GASK1A: variants seen among roughly 807,000 people sequenced by gnomAD.
The protein encoded by GASK1A is golgi associated kinase 1A, also known as Golgi-associated kinase 1A.
GASK1A carries 40 observed loss-of-function variants against 41.2 expected under a neutral mutation model. The observed-to-expected ratio is 0.97, with a 90% CI of 0.75 to 1.27. The LOEUF is 1.27. GASK1A is among the 50% of genes most tolerant of loss of function. The pLI is 0.00. For synonymous variants in GASK1A, 316 were observed against 307.1 expected, an observed-to-expected ratio of 1.03 and a Z score of -0.30; for missense variants, 678 against 745.1, an observed-to-expected ratio of 0.91 and a Z score of 1.05.
intron 1 of GASK1A, among the ~76,000 whole-genome samples, chr3:43,016,993 G>T (rs2089495017): frequency 6.6e-6 from 1 of 151,158 alleles, no homozygotes; most frequent in Non-Finnish European, 1.5e-5. Context: ...TGAAGCCACT[G>T]GAAGGGGCTG....
In GASK1A at chr3:42,984,167, C is replaced by CCT. The variant is rs200909376; in HGVS notation, c.3+4524_3+4525dup. 6.9e-3 allele frequency among the ~76,000 whole-genome samples: 1,047 copies of CCT among 151,970 alleles called. 5 individuals carry two copies. The highest frequency in any genetic ancestry group is 0.02 in the Middle Eastern group (6 of 294). ...TGCCTAGGGAGTTTAGGGCGTGATC[C>CCT]CTCATTTTCTGGATGTGTCTGCACA... On this transcript the variant is annotated intron_variant, in intron 1 of 4. Transcript: ENST00000430121. The surrounding 1 kb of genome is among the most constrained non-coding windows in gnomAD (Gnocchi z 4.2).
rs140863663 is a variant in GASK1A at position 42,990,547 on chromosome 3, A to C, written c.3+10902A>C. ...TCTGCCTGCCATGTGCCCGGCCTCC[A>C]TTTGAGCATTGAGATGAGAATGAGC... On this transcript the variant is annotated intron_variant, in intron 1 of 4. Transcript: ENST00000430121. 1.1e-3 allele frequency among the ~76,000 whole-genome samples: 172 copies of C among 152,256 alleles called. 1 individual carries two copies. The highest frequency in any genetic ancestry group is 4.1e-3 in the African/African-American group (170 of 41,538).
chr3:42,993,343 C>A (rs2089351827), intron 1 of GASK1A, among the ~76,000 whole-genome samples: 1 of 152,172 alleles, frequency 6.6e-6, no homozygotes, highest in South Asian at 2.1e-4. Flanking sequence ...ACAGTAGAAG[C>A]AGACACTTTG....
chr3:42,985,605 A>T (rs1416195891), intron 1 of GASK1A, among the ~76,000 whole-genome samples: 2 of 135,896 alleles, frequency 1.5e-5, no homozygotes, highest in African/African-American at 5.5e-5. Context: ...GCAGGGGAGC[A>T]GGTGGTAGGT....
intron 3 of GASK1A, 86 bp from the exon 4 acceptor site, chr3:43,055,342 TGTCA>T: frequency 1.2e-6 from 1 of 857,216 alleles, no homozygotes; most frequent in Non-Finnish European, 1.9e-6. Context: ...AGCTCAGGGC[TGTCA>T]GCCCCTTAAT....
rs796812484 is a variant in GASK1A at position 43,038,725 on chromosome 3, A to G, written c.1290+5172A>G. ...TTTTGATGTTTTTGTTAATGTTTCC[A>G]AACAATGTACTTTGAAATCAGAATC... On this transcript the variant is annotated intron_variant, in intron 2 of 4. Coordinates refer to ENST00000430121, the MANE Select transcript of GASK1A (RefSeq NM_001129908.3). Among the ~76,000 whole-genome samples, 28 of 152,326 alleles carry G rather than the reference A, an allele frequency of 1.8e-4. 2 individuals are homozygous for G. Among genetic ancestry groups the G allele is most frequent in the African/African-American group, 6.3e-4 (26 of 41,576 alleles).
At chr3:43,055,737 G>T in intron 4 of GASK1A, 1 of 561,902 alleles carries the variant, frequency 1.8e-6, no homozygotes, top group Non-Finnish European at 3.2e-6. Flanking sequence ...CCAATATCCA[G>T]AGGGCCTCGT....
intron 3 of GASK1A, chr3:43,054,185 T>G: frequency 5.1e-6 from 1 of 195,146 alleles, no homozygotes. Flanking sequence ...GCAAGGTGCT[T>G]CCCCCGGGGA....
At chr3:43,054,083 G>C (rs372929538) in intron 3 of GASK1A, 1 of 309,434 alleles carries the variant, frequency 3.2e-6, no homozygotes, top group East Asian at 8.2e-5. Flanking sequence ...TCACAGGCTG[G>C]TGCTGCTCCT....
At position 43,041,345 on chromosome 3, in the gene GASK1A, T is replaced by C. The variant is rs1251404530; in HGVS notation, c.1290+7792T>C. 3.3e-5 allele frequency among the ~76,000 whole-genome samples: 5 copies of C among 152,172 alleles called. No individual in the cohort carries two copies. In the South Asian group the frequency reaches 8.3e-4, roughly 25 times the overall value. On this transcript the variant is annotated intron_variant, in intron 2 of 4. Coordinates refer to ENST00000430121, the MANE Select transcript of GASK1A (RefSeq NM_001129908.3). ...AACTAGTTTACAGTCCCACCAACAGTGTAAAAGTGTTCCTATTTCTCCACA... is the reference window on the plus strand; with the variant it reads ...AACTAGTTTACAGTCCCACCAACAGCGTAAAAGTGTTCCTATTTCTCCACA...
At chr3:43,055,834 A>AC in intron 4 of GASK1A, 1 of 468,938 alleles carries the variant, frequency 2.1e-6, no homozygotes. Context: ...CAGAGAGTCT[A>AC]CCCCTCCCAG....
At chr3:43,019,757 AACACACACAC>A (rs148054172) in intron 1 of GASK1A, among the ~76,000 whole-genome samples, 4 of 146,614 alleles carry the variant, frequency 2.7e-5, no homozygotes, top group African/African-American at 7.5e-5. Context: ...TTCCGTTTTT[AACACACACAC>A]ACACACACAC....
chr3:42,985,546 CGTGTGTGTGTGTGTGT>C (rs56195274), intron 1 of GASK1A, among the ~76,000 whole-genome samples: 52 of 134,796 alleles, frequency 3.9e-4, no homozygotes, highest in African/African-American at 1.2e-3. Context: ...CCTGTGCATA[CGTGTGTGTGTGTGTGT>C]GTGTGTGTGT....
chr3:43,016,925 GAAGGGGCTGTGTGAAGTCCCAGA>G (rs1244609424), intron 1 of GASK1A, among the ~76,000 whole-genome samples: 1,611 of 106,568 alleles, frequency 0.015, 14 homozygotes, highest in Non-Finnish European at 0.021. Flanking sequence ...GAAGTCCCAG[GAAGGGGCTGTGTGAAGTCCCAGA>G]AAGGGGCTGT....
chr3:43,041,705 C>A (rs1363128293), intron 2 of GASK1A, among the ~76,000 whole-genome samples: 2 of 152,228 alleles, frequency 1.3e-5, no homozygotes, highest in African/African-American at 4.8e-5. Flanking sequence ...ATCATTTCAT[C>A]TGTAACAAAT....
At position 42,979,656 on chromosome 3, in the gene GASK1A, C is replaced by T. The variant is rs530184028; in HGVS notation, c.3+11C>T. 25 of 1,245,658 alleles carry T rather than the reference C, an allele frequency of 2.0e-5. No individual in the cohort carries two copies. Among genetic ancestry groups the T allele is most frequent in the East Asian group, 6.3e-5 (2 of 31,658 alleles). The allele number at this position is 1,245,658 out of a possible 1,614,324, so 77.2% of individuals were successfully genotyped here. ...ACCGCCGGGGACATGGTAGGACTCG[C>T]GGGAAGGAACGCGCGAGCGGAGGGT... On this transcript the variant is annotated intron_variant, in intron 1 of 4. Coordinates refer to ENST00000430121, the MANE Select transcript of GASK1A (RefSeq NM_001129908.3).
At chr3:43,037,931 A>G (rs993355219) in intron 2 of GASK1A, among the ~76,000 whole-genome samples, 11 of 152,254 alleles carry the variant, frequency 7.2e-5, no homozygotes, top group Non-Finnish European at 1.0e-4. Context: ...AATAAGGAAC[A>G]ACCACAGTTT....
At chr3:42,993,855 A>G (rs1229979297) in intron 1 of GASK1A, among the ~76,000 whole-genome samples, 2 of 152,378 alleles carry the variant, frequency 1.3e-5, no homozygotes, top group African/African-American at 4.8e-5. Context: ...ATGTCATTGT[A>G]GCATAACAAC....
chr3:43,051,632 T>A (rs35946401), intron 2 of GASK1A, among the ~76,000 whole-genome samples: 25,465 of 152,192 alleles, frequency 0.17, 2,676 homozygotes, highest in Non-Finnish European at 0.23. Flanking sequence ...TTTTGGTTAA[T>A]CTATTGTTTG....
Sources: gnomAD v4.1 joint callset for allele counts (sites outside exome capture counted in the v4.1 genomes callset) on GRCh38, gnomAD v4.1.1 for gene constraint, Gnocchi (gnomAD v3.1) non-coding constraint, MANE v1.5 for transcripts, NCBI Gene and HGNC (gene_info 2026-07-23, HGNC 2026-07-21) for gene names.